The following HIVEP1 variants were observed in gnomAD, a reference collection of about 807,000 sequenced individuals.
HIVEP1 encodes HIVEP zinc finger 1.
A neutral mutation model predicts 180.0 loss-of-function variants in HIVEP1; 36 were observed. That is an observed-to-expected ratio of 0.20 (90% CI 0.15 to 0.26). The LOEUF is 0.26. Ranked by LOEUF, HIVEP1 falls within the 10% of genes least tolerant of loss-of-function variation. The pLI is 1.00. For missense variants in HIVEP1, 3,143 were observed against 3,268.7 expected (o/e 0.96, Z 0.94); for synonymous variants, 1,239 against 1,239.0 (o/e 1.00, Z 0.00).
the HIVEP1 span, among the ~76,000 whole-genome samples, chr6:12,189,008 T>C: frequency 6.2e-4 from 95 of 152,070 alleles, no homozygotes; most frequent in Non-Finnish European, 1.2e-3. Flanking sequence ...CTACAGAGTA[T>C]AAAAATAGAT....
chr6:12,055,196 G>T (rs1013743157), intron 2 of HIVEP1, among the ~76,000 whole-genome samples: 3 of 152,184 alleles, frequency 2.0e-5, no homozygotes, highest in African/African-American at 7.2e-5. Flanking sequence ...TTAAAATCAT[G>T]ATTTTCAGTG....
chr6:12,130,733 C>T, intron 5 of HIVEP1, 34 bp from the exon 6 acceptor site: 1 of 1,266,616 alleles, frequency 7.9e-7, no homozygotes, highest in Non-Finnish European at 1.1e-6. Context: ...GCATAGTGTC[C>T]AATCTCCCTA....
chr6:12,187,590 A>C, the HIVEP1 span, among the ~76,000 whole-genome samples: 1 of 130,844 alleles, frequency 7.6e-6, no homozygotes, highest in African/African-American at 3.1e-5. Context: ...GAGCCAAATA[A>C]ATCTTTTTTT....
intron 3 of HIVEP1, among the ~76,000 whole-genome samples, chr6:12,100,833 T>G (rs1404729740): frequency 6.6e-6 from 1 of 152,140 alleles, no homozygotes; most frequent in Non-Finnish European, 1.5e-5. Flanking sequence ...AAATGCTCAT[T>G]GGAGCATTTC....
chr6:12,140,579 A>G (rs1442877375), intron 7 of HIVEP1, among the ~76,000 whole-genome samples: 2 of 152,236 alleles, frequency 1.3e-5, no homozygotes. Flanking sequence ...TTCCAAGCTA[A>G]AGGAGGATGT....
At chr6:12,203,249 A>T in the HIVEP1 span, among the ~76,000 whole-genome samples, 2 of 152,208 alleles carry the variant, frequency 1.3e-5, no homozygotes, top group South Asian at 4.1e-4. Flanking sequence ...TCCCTGTCCC[A>T]GAAAGATCCG....
At chr6:12,192,034 T>C in the HIVEP1 span, among the ~76,000 whole-genome samples, 2 of 152,246 alleles carry the variant, frequency 1.3e-5, no homozygotes, top group East Asian at 3.8e-4. Flanking sequence ...AGACAATTGC[T>C]AACTATGCTT....
intron 2 of HIVEP1, among the ~76,000 whole-genome samples, chr6:12,016,847 G>A (rs1767787863): frequency 6.6e-6 from 1 of 152,160 alleles, no homozygotes; most frequent in African/African-American, 2.4e-5. Context: ...ACTCTCATTT[G>A]TTACTGTAGG....
intron 3 of HIVEP1, among the ~76,000 whole-genome samples, chr6:12,111,668 C>T (rs1325154518): frequency 6.6e-6 from 1 of 152,246 alleles, no homozygotes; most frequent in African/African-American, 2.4e-5. Flanking sequence ...GGTCAGGTCT[C>T]ATTTCCTGTC....
At chr6:12,098,450 A>G (rs190693837) in intron 3 of HIVEP1, among the ~76,000 whole-genome samples, 5 of 152,290 alleles carry the variant, frequency 3.3e-5, no homozygotes, top group Admixed American at 6.5e-5. Context: ...TTCATGCCAT[A>G]TATCTGAGTA....
At chr6:12,150,201 G>A (rs16872314) in intron 7 of HIVEP1, among the ~76,000 whole-genome samples, 5,965 of 152,146 alleles carry the variant, frequency 0.039, 367 homozygotes, top group African/African-American at 0.13. Flanking sequence ...ATATAGCCTC[G>A]GGAATTTTGT....
chr6:12,089,334 C>T (rs1773309283), intron 3 of HIVEP1, 97 bp downstream of exon 3: 2 of 653,520 alleles, frequency 3.1e-6, no homozygotes, highest in Non-Finnish European at 2.6e-6. Context: ...TCAGTATAGA[C>T]ATATCACAAA....
At chr6:12,080,575 T>C (rs1265903367) in intron 2 of HIVEP1, among the ~76,000 whole-genome samples, 2 of 152,326 alleles carry the variant, frequency 1.3e-5, no homozygotes, top group East Asian at 3.9e-4. Context: ...ATGGTCTGTT[T>C]TGATATCAAG....
chr6:12,087,586 TCTG>T (rs1397857359), intron 2 of HIVEP1, among the ~76,000 whole-genome samples: 8 of 152,104 alleles, frequency 5.3e-5, no homozygotes, highest in Non-Finnish European at 5.9e-5. Context: ...AGTTTGAAAA[TCTG>T]CAGGTAATTC....
chr6:12,027,593 A>C (rs1310354467), intron 2 of HIVEP1, among the ~76,000 whole-genome samples: 5 of 152,180 alleles, frequency 3.3e-5, no homozygotes, highest in Admixed American at 3.3e-4. Context: ...ACTGCAGGCA[A>C]TCCATTTCCA....
intron 7 of HIVEP1, among the ~76,000 whole-genome samples, chr6:12,141,060 A>AT (rs1174716406): frequency 3.1e-4 from 47 of 152,332 alleles, no homozygotes; most frequent in African/African-American, 1.1e-3. Flanking sequence ...CGCAAGACAC[A>AT]TAATTGTCAG....
chr6:12,168,081 A>ATG (rs1247557136), downstream of HIVEP1, among the ~76,000 whole-genome samples: 6 of 56,658 alleles, frequency 1.1e-4, 1 homozygote, highest in Admixed American at 4.7e-4. Context: ...ATGTGTATAT[A>ATG]TACATATATA....
At chr6:12,062,147 G>A (rs1010513336) in intron 2 of HIVEP1, among the ~76,000 whole-genome samples, 10 of 152,110 alleles carry the variant, frequency 6.6e-5, no homozygotes, top group African/African-American at 2.4e-4. Flanking sequence ...GTAAAATCTA[G>A]GTGATGGTGT....
At chr6:12,042,128 G>A (rs1292023669) in intron 2 of HIVEP1, among the ~76,000 whole-genome samples, 4 of 146,744 alleles carry the variant, frequency 2.7e-5, no homozygotes, top group Non-Finnish European at 6.0e-5. Flanking sequence ...GCGGGACTGC[G>A]GACTGCAGTG....
Sources: allele counts gnomAD v4.1 joint callset (sites outside exome capture counted in the v4.1 genomes callset), GRCh38; gene constraint gnomAD v4.1.1; transcripts MANE v1.5; gene names NCBI Gene and HGNC (gene_info 2026-07-23, HGNC 2026-07-21).